The following INSYN2B variants were observed in gnomAD, a reference collection of about 807,000 sequenced individuals.
INSYN2B encodes protein INSYN2B.
INSYN2B carries 16 observed loss-of-function variants against 41.2 expected under a neutral mutation model. That is an observed-to-expected ratio of 0.39 (90% confidence interval 0.26 to 0.59). INSYN2B has a LOEUF of 0.59. INSYN2B is among the 20% of genes least tolerant of loss of function. The pLI is 0.57. For synonymous variants in INSYN2B, 245 were observed against 244.4 expected (o/e 1.00, Z -0.02); for missense variants, 608 against 646.4 (o/e 0.94, Z 0.64).
At chr5:169,931,477 G>A (rs142134386) in intron 1 of INSYN2B, among the ~76,000 whole-genome samples, 275 of 152,330 alleles carry the variant, frequency 1.8e-3, no homozygotes, top group African/African-American at 6.3e-3. Context: ...TAAGTTCCTG[G>A]CATATAAAAT....
intron 1 of INSYN2B, among the ~76,000 whole-genome samples, chr5:169,900,838 C>T (rs548229708): frequency 6.6e-6 from 1 of 152,108 alleles, no homozygotes; most frequent in South Asian, 2.1e-4. Context: ...ACAGATATAG[C>T]CTGCCTGGAA....
chr5:169,948,831 CTTT>C (rs559522558), intron 1 of INSYN2B, among the ~76,000 whole-genome samples: 2 of 149,482 alleles, frequency 1.3e-5, no homozygotes, highest in African/African-American at 4.9e-5. Flanking sequence ...TGGTTTGTCT[CTTT>C]TTTTTTTCTT....
chr5:169,873,302 A>G (rs1424575745), intron 3 of INSYN2B, among the ~76,000 whole-genome samples: 3 of 152,208 alleles, frequency 2.0e-5, no homozygotes. Flanking sequence ...GAGAAATTTT[A>G]CCTTTTACAT....
chr5:169,865,182 C>CGTT (rs888365421), intron 3 of INSYN2B, among the ~76,000 whole-genome samples: 3 of 152,082 alleles, frequency 2.0e-5, no homozygotes, highest in East Asian at 1.9e-4. Context: ...ACCTCTTTTT[C>CGTT]GTTGTTGTTG....
intron 1 of INSYN2B, among the ~76,000 whole-genome samples, chr5:169,945,593 G>A (rs1307414943): frequency 6.6e-6 from 1 of 152,250 alleles, no homozygotes; most frequent in African/African-American, 2.4e-5. Context: ...GCTCAGAGAA[G>A]TGAAGTCTGT....
intron 1 of INSYN2B, among the ~76,000 whole-genome samples, chr5:169,928,729 T>A (rs1223201407): frequency 6.6e-6 from 1 of 152,182 alleles, no homozygotes; most frequent in Non-Finnish European, 1.5e-5. Flanking sequence ...TATGACACCT[T>A]CATAGAGAAC....
At chr5:169,955,239 C>T (rs1252859602) in intron 1 of INSYN2B, among the ~76,000 whole-genome samples, 1 of 152,134 alleles carries the variant, frequency 6.6e-6, no homozygotes, top group Non-Finnish European at 1.5e-5. Flanking sequence ...GGAGATGCCC[C>T]TGCCCGGGAC....
chr5:169,891,469 A>G (rs887724388), intron 1 of INSYN2B, among the ~76,000 whole-genome samples: 1 of 152,202 alleles, frequency 6.6e-6, no homozygotes, highest in Non-Finnish European at 1.5e-5. Context: ...TTATTTAACG[A>G]TTTTCAAAAT....
At chr5:169,934,922 G>A (rs1775920387) in intron 1 of INSYN2B, 1 of 332,630 alleles carries the variant, frequency 3.0e-6, no homozygotes, top group Non-Finnish European at 5.9e-6. Context: ...ACAATGACCT[G>A]AGAAAGTAGT....
At chr5:169,902,231 C>G (rs1773968811) in intron 1 of INSYN2B, among the ~76,000 whole-genome samples, 1 of 152,214 alleles carries the variant, frequency 6.6e-6, no homozygotes, top group Non-Finnish European at 1.5e-5. Flanking sequence ...AGCTGATGAA[C>G]TGCTGAGAAA....
At chr5:169,954,093 A>AT (rs1776771133) in intron 1 of INSYN2B, among the ~76,000 whole-genome samples, 1 of 152,192 alleles carries the variant, frequency 6.6e-6, no homozygotes, top group Admixed American at 6.5e-5. Flanking sequence ...TTCACCCCAC[A>AT]TTTTATCAAA....
At chr5:169,902,967 A>T (rs767030996) in intron 1 of INSYN2B, among the ~76,000 whole-genome samples, 3 of 152,158 alleles carry the variant, frequency 2.0e-5, no homozygotes, top group Middle Eastern at 6.8e-3. Context: ...GTGTGGTGGC[A>T]CATGCCTGTA....
intron 1 of INSYN2B, among the ~76,000 whole-genome samples, chr5:169,910,599 AC>A (rs1483300859): frequency 3.3e-5 from 5 of 152,112 alleles, no homozygotes; most frequent in African/African-American, 1.2e-4. Context: ...AGTGTTTGGC[AC>A]TGAGTGAAAA....
chr5:169,935,227 A>G (rs1561836481), intron 1 of INSYN2B, among the ~76,000 whole-genome samples: 1 of 138,444 alleles, frequency 7.2e-6, no homozygotes, highest in Non-Finnish European at 1.5e-5. Flanking sequence ...GTAAATTTGT[A>G]CACTGTTTGC....
chr5:169,952,811 C>G (rs1466644849), intron 1 of INSYN2B, among the ~76,000 whole-genome samples: 1 of 152,002 alleles, frequency 6.6e-6, no homozygotes, highest in Non-Finnish European at 1.5e-5. Context: ...GAGAGTGAAG[C>G]CACCAGAATA....
intron 1 of INSYN2B, among the ~76,000 whole-genome samples, chr5:169,944,255 C>T (rs529766202): frequency 6.6e-6 from 1 of 152,314 alleles, no homozygotes; most frequent in Admixed American, 6.5e-5. Context: ...TATTCTATTT[C>T]CTGTGACCTG....
chr5:169,974,473 A>G (rs1340343780), intron 1 of INSYN2B, among the ~76,000 whole-genome samples: 1 of 152,222 alleles, frequency 6.6e-6, no homozygotes, highest in Non-Finnish European at 1.5e-5. Context: ...AGCCCTTGAA[A>G]TGGTGATTAT....
chr5:169,886,823 T>C (rs771393909), intron 1 of INSYN2B, among the ~76,000 whole-genome samples: 2 of 152,202 alleles, frequency 1.3e-5, no homozygotes, highest in Non-Finnish European at 2.9e-5. Context: ...TAGCACTTCA[T>C]TCTGGGAACG....
chr5:169,907,002 G>C (rs577009762), intron 1 of INSYN2B, among the ~76,000 whole-genome samples: 1 of 152,322 alleles, frequency 6.6e-6, no homozygotes, highest in South Asian at 2.1e-4. Flanking sequence ...TGGGACTACA[G>C]CAGTGAACAG....
Sources: gnomAD v4.1 joint callset for allele counts (sites outside exome capture counted in the v4.1 genomes callset) on GRCh38, gnomAD v4.1.1 for gene constraint, MANE v1.5 for transcripts, NCBI Gene and HGNC (gene_info 2026-07-23, HGNC 2026-07-21) for gene names.